Variants in KLF12 observed in about 807,000 individuals in gnomAD.
KLF12 encodes the protein Krueppel-like factor 12.
A neutral mutation model predicts 37.8 loss-of-function variants in KLF12; 9 were observed. That is an observed-to-expected ratio of 0.24 (90% CI 0.14 to 0.42). The LOEUF (loss-of-function observed/expected upper bound fraction) is 0.42. KLF12 is among the 10% of genes least tolerant of loss of function. The pLI is 1.00. For missense variants in KLF12, 411 were observed against 516.0 expected (o/e 0.80, Z 1.97); for synonymous variants, 208 against 202.1 (o/e 1.03, Z -0.25).
At chr13:74,174,191 GA>G in the KLF12 span, among the ~76,000 whole-genome samples, 1 of 152,114 alleles carries the variant, frequency 6.6e-6, no homozygotes, top group Admixed American at 6.5e-5. Flanking sequence ...TTGTCAGGCA[GA>G]AATGACTTTA....
chr13:74,115,432 T>C (rs1271537044), intron 1 of KLF12, among the ~76,000 whole-genome samples: 1 of 152,162 alleles, frequency 6.6e-6, no homozygotes, highest in Non-Finnish European at 1.5e-5. Flanking sequence ...CCACCGGGCA[T>C]GGTGGTTCAC....
intron 6 of KLF12, among the ~76,000 whole-genome samples, chr13:73,718,508 G>A (rs1431755061): frequency 6.6e-6 from 1 of 152,206 alleles, no homozygotes; most frequent in Non-Finnish European, 1.5e-5. Context: ...TGTAATCCCA[G>A]CACGTAGGGA....
chr13:74,304,607 T>C, the KLF12 span, among the ~76,000 whole-genome samples: 1 of 152,060 alleles, frequency 6.6e-6, no homozygotes, highest in South Asian at 2.1e-4. Context: ...GAGAGAAAAA[T>C]GAATTAACTG....
intron 3 of KLF12, among the ~76,000 whole-genome samples, chr13:73,870,444 A>G (rs549107757): frequency 6.6e-6 from 1 of 152,354 alleles, no homozygotes; most frequent in Non-Finnish European, 1.5e-5. Context: ...AGCACTTTTC[A>G]AACATTTCCT....
intron 3 of KLF12, among the ~76,000 whole-genome samples, chr13:73,896,229 C>A (rs1887763235): frequency 6.6e-6 from 1 of 152,152 alleles, no homozygotes; most frequent in South Asian, 2.1e-4. Flanking sequence ...TGCTATAAGG[C>A]AAAACATGCT....
At chr13:74,132,714 G>A (rs1878328855) in intron 1 of KLF12, among the ~76,000 whole-genome samples, 2 of 152,166 alleles carry the variant, frequency 1.3e-5, no homozygotes, top group Admixed American at 1.3e-4. Flanking sequence ...CAGGGTGAAG[G>A]GGGTTGGGAA....
intron 1 of KLF12, among the ~76,000 whole-genome samples, chr13:74,025,434 GTGTC>G (rs1892950157): frequency 6.6e-6 from 1 of 152,058 alleles, no homozygotes; most frequent in South Asian, 2.1e-4. Flanking sequence ...GACTCATAAA[GTGTC>G]TGAATATATC....
At chr13:73,939,145 A>G (rs1163986802) in intron 3 of KLF12, among the ~76,000 whole-genome samples, 1 of 152,184 alleles carries the variant, frequency 6.6e-6, no homozygotes, top group African/African-American at 2.4e-5. Flanking sequence ...ACACCCTTGC[A>G]GTTAGTGTAG....
chr13:74,055,289 C>T (rs767767415), intron 1 of KLF12, among the ~76,000 whole-genome samples: 1 of 152,170 alleles, frequency 6.6e-6, no homozygotes. Flanking sequence ...ATTCCATTTA[C>T]TTACATGTCT....
chr13:74,019,955 T>C (rs932837071), intron 1 of KLF12, among the ~76,000 whole-genome samples: 6 of 152,190 alleles, frequency 3.9e-5, no homozygotes, highest in Admixed American at 3.9e-4. Flanking sequence ...AAAATGACAT[T>C]ATGTTGTGAG....
chr13:74,033,483 A>T (rs1012854235), intron 1 of KLF12, among the ~76,000 whole-genome samples: 3 of 152,240 alleles, frequency 2.0e-5, no homozygotes, highest in Non-Finnish European at 4.4e-5. Context: ...GATAATCAAC[A>T]TAAAGCACTT....
chr13:73,740,428 G>A (rs964247228), intron 6 of KLF12, among the ~76,000 whole-genome samples: 4 of 152,202 alleles, frequency 2.6e-5, no homozygotes, highest in Middle Eastern at 3.2e-3. Context: ...AGTTGAAAAA[G>A]ACTAAGACAC....
intron 2 of KLF12, among the ~76,000 whole-genome samples, chr13:73,962,454 G>A (rs1272624785): frequency 2.6e-5 from 4 of 152,284 alleles, no homozygotes; most frequent in Admixed American, 2.0e-4. Context: ...TACACAAAGA[G>A]TAAGCCCTAT....
At chr13:73,753,863 G>A (rs754660066) in intron 6 of KLF12, among the ~76,000 whole-genome samples, 4 of 152,144 alleles carry the variant, frequency 2.6e-5, no homozygotes, top group Non-Finnish European at 5.9e-5. Context: ...AAGCAGAAGG[G>A]TGTAAGATAG....
rs1873413850 is a variant in KLF12, at chr13:74,058,882, C to T, written c.-31-63829G>A. Among the ~76,000 whole-genome samples, 3 of 152,124 alleles carry T rather than the reference C, an allele frequency of 2.0e-5. No homozygotes were observed. The South Asian group carries it at 6.2e-4, about 32-fold the overall frequency. On this transcript the variant is annotated intron_variant, in intron 1 of 7. Transcript: ENST00000377669. ...TTGCATAATGCTGGGGTTTGGGCTT[C>T]TAATGAGCCCATCACCCATAAATGA...
intron 1 of KLF12, among the ~76,000 whole-genome samples, chr13:74,091,170 C>A (rs1439286324): frequency 6.6e-6 from 1 of 152,082 alleles, no homozygotes; most frequent in East Asian, 1.9e-4. Flanking sequence ...AACTGGAAAT[C>A]CACATGCAAA....
intron 2 of KLF12, among the ~76,000 whole-genome samples, chr13:73,964,949 G>C (rs1267533465): frequency 6.6e-6 from 1 of 152,192 alleles, no homozygotes; most frequent in Non-Finnish European, 1.5e-5. Flanking sequence ...ACTGTAAGCA[G>C]TGCTTCCCAA....
intron 1 of KLF12, among the ~76,000 whole-genome samples, chr13:74,024,457 G>T (rs1003719632): frequency 1.1e-4 from 16 of 152,256 alleles, no homozygotes; most frequent in South Asian, 6.2e-4. Context: ...TCATGCTCAA[G>T]AACTTATTTT....
the KLF12 span, among the ~76,000 whole-genome samples, chr13:74,229,009 A>G: frequency 6.6e-6 from 1 of 152,170 alleles, no homozygotes; most frequent in Non-Finnish European, 1.5e-5. Context: ...AATCAAAGTT[A>G]AATACAGTGG....
Sources: allele counts gnomAD v4.1 joint callset (sites outside exome capture counted in the v4.1 genomes callset), GRCh38; gene constraint gnomAD v4.1.1; transcripts MANE v1.5; gene names NCBI Gene and HGNC (gene_info 2026-07-23, HGNC 2026-07-21).